The following PWWP3B variants were observed in gnomAD, a reference collection of about 807,000 sequenced individuals.
The protein encoded by PWWP3B is PWWP domain containing 3B.
PWWP3B carries 5 observed loss-of-function variants against 15.7 expected under a neutral mutation model. The ratio of observed to expected loss-of-function variants is 0.32; its 90% CI spans 0.17 to 0.67. PWWP3B has a LOEUF of 0.67. Among genes scored for constraint, PWWP3B ranks in the 30% least tolerant of loss-of-function variants. The pLI is 0.74. For synonymous variants in PWWP3B, 203 were observed against 179.8 expected (o/e 1.13, Z -1.03); for missense variants, 519 against 493.1 (o/e 1.05, Z -0.50).
At chrX:106,181,364 C>G (rs755765862) in intron 2 of PWWP3B, among the ~76,000 whole-genome samples, 27 of 111,490 alleles carry the variant, frequency 2.4e-4, no homozygotes, top group Non-Finnish European at 4.0e-4. Context: ...TTTTACACAG[C>G]GCTGATTGGT....
Position 106,207,590 on chromosome X carries a change from A to T in PWWP3B, c.*67A>T. 4.9e-6 allele frequency: 5 copies of T among 1,012,790 alleles called. No homozygotes were observed. Among genetic ancestry groups the T allele is most frequent in the Non-Finnish European group, 6.5e-6 (5 of 768,703 alleles). 83.5% of individuals were successfully genotyped at this position (1,012,790 alleles called of 1,213,427 possible). A position where few individuals can be genotyped will look rare whatever the true frequency, so the allele number is the denominator to read the frequency against. On this transcript the variant is annotated 3_prime_UTR_variant, in exon 4 of 4. Coordinates refer to ENST00000357175, the MANE Select transcript of PWWP3B (RefSeq NM_001171020.2). Reference sequence around the variant, plus strand: ...TACTAGTTGAAAAAAGTCTCTGAACAATTCTCTCTAATACATATTTTCTGC... The same window carrying T: ...TACTAGTTGAAAAAAGTCTCTGAACTATTCTCTCTAATACATATTTTCTGC...
intron 2 of PWWP3B, among the ~76,000 whole-genome samples, chrX:106,175,040 C>CA (rs61441273): frequency 0.077 from 3,328 of 43,380 alleles, 70 homozygotes; most frequent in East Asian, 0.095. Context: ...GACTCTGTCT[C>CA]AAAAAAAAAA....
chrX:106,173,415 A>G (rs1428341914), intron 2 of PWWP3B, among the ~76,000 whole-genome samples: 1 of 111,057 alleles, frequency 9.0e-6, no homozygotes, highest in Non-Finnish European at 1.9e-5. Flanking sequence ...TATTCCACAC[A>G]TCTAACCCCA....
At chrX:106,202,334 T>C (rs1923750927) in intron 2 of PWWP3B, among the ~76,000 whole-genome samples, 1 of 112,050 alleles carries the variant, frequency 8.9e-6, no homozygotes, top group Non-Finnish European at 1.9e-5. Flanking sequence ...CAGGTCACCA[T>C]TTTAATATTA....
intron 2 of PWWP3B, chrX:106,177,237 T>G (rs987879861): frequency 8.9e-6 from 1 of 112,732 alleles, no homozygotes; most frequent in Non-Finnish European, 1.9e-5. Context: ...AAGGTCCCCT[T>G]GCTATTCCCA....
In PWWP3B at chrX:106,207,400, T is replaced by C. The variant is rs1234323961; in HGVS notation, c.1968T>C (p.Asp656=). The change falls in exon 4 of 4, where the codon GAT becomes GAC. Residue 656 remains aspartate, a synonymous_variant. Transcript: ENST00000357175. Reference sequence around the variant, plus strand: ...CAATTTCTGCTGTTGATGGGTTAGATTACGAGGCAGCTGAAGCAAAGTATC... The same window carrying C: ...CAATTTCTGCTGTTGATGGGTTAGACTACGAGGCAGCTGAAGCAAAGTATC... The part of the protein sequence containing the change: ...ICSISAVDGL[D]YEAAEAKYLK... 4.3e-6 allele frequency: 5 copies of C among 1,171,168 alleles called. No individual in the cohort carries two copies. Among genetic ancestry groups the C allele is most frequent in the Non-Finnish European group, 5.7e-6 (5 of 874,831 alleles).
At chrX:106,194,435 C>T (rs1923233536) in intron 2 of PWWP3B, among the ~76,000 whole-genome samples, 1 of 111,557 alleles carries the variant, frequency 9.0e-6, no homozygotes, top group South Asian at 3.7e-4. Flanking sequence ...TCTAGTTATA[C>T]ATTCGTCTAA....
intron 2 of PWWP3B, among the ~76,000 whole-genome samples, chrX:106,196,807 T>C (rs1923402119): frequency 8.9e-6 from 1 of 112,411 alleles, no homozygotes; most frequent in Non-Finnish European, 1.9e-5. Flanking sequence ...TTATAAAATA[T>C]GTTGAAGAGT....
At chrX:106,179,757 A>G (rs779090928) in intron 2 of PWWP3B, among the ~76,000 whole-genome samples, 2 of 112,287 alleles carry the variant, frequency 1.8e-5, no homozygotes, top group Non-Finnish European at 3.8e-5. Flanking sequence ...AAAGCATTTC[A>G]TGGTAAAAAC....
chrX:106,187,073 A>C (rs1313530190), intron 2 of PWWP3B, among the ~76,000 whole-genome samples: 1 of 111,643 alleles, frequency 9.0e-6, no homozygotes, highest in Non-Finnish European at 1.9e-5. Flanking sequence ...GGCAGGAATA[A>C]TTTTTGTCCT....
intron 2 of PWWP3B, among the ~76,000 whole-genome samples, chrX:106,190,233 T>A (rs1205135516): frequency 8.9e-6 from 1 of 112,045 alleles, no homozygotes; most frequent in African/African-American, 3.2e-5. Context: ...AATGATTGCC[T>A]TTCTAACTGG....
rs1467092610 is a variant in PWWP3B, at chrX:106,208,025, C to CA, written c.*509dup. On this transcript the variant is annotated 3_prime_UTR_variant, in exon 4 of 4. Transcript: ENST00000357175. The stretch of plus-strand genomic sequence containing the variant: ...TTCTTGCCATGCCTATTTATTTTTG[C>CA]AAAAAAATTATCTGCTATATAGAAC... 1 of 123,327 alleles carries CA rather than the reference C, an allele frequency of 8.1e-6. No homozygotes were observed. Among genetic ancestry groups the CA allele is most frequent in the Admixed American group, 9.5e-5 (1 of 10,549 alleles). 10.2% of individuals were successfully genotyped at this position (123,327 alleles called of 1,213,427 possible).
intron 2 of PWWP3B, among the ~76,000 whole-genome samples, chrX:106,178,666 C>G (rs1188698983): frequency 9.0e-6 from 1 of 111,496 alleles, no homozygotes; most frequent in Admixed American, 9.5e-5. Context: ...ACTAAAAAAT[C>G]ACATTGAAAA....
At position 106,205,765 on chromosome X, in the gene PWWP3B, AGAG is replaced by A. The variant is rs1243017262; in HGVS notation, c.337_339del (p.Glu113del). 3.3e-6 allele frequency: 4 copies of A among 1,209,864 alleles called. No homozygotes were observed. The highest frequency in any genetic ancestry group is 1.7e-5 in the African/African-American group (1 of 57,164). ...TGAGTCAAGCAAGCACTTCAGATGA[AGAG>A]GAGATCACTATGCTGTCTCAAAATG... On this transcript the variant is annotated inframe_deletion, in exon 4 of 4. Coordinates refer to ENST00000357175, the MANE Select transcript of PWWP3B (RefSeq NM_001171020.2).
chrX:106,177,630 T>C (rs1921968955), intron 2 of PWWP3B, among the ~76,000 whole-genome samples: 1 of 112,606 alleles, frequency 8.9e-6, no homozygotes, highest in Admixed American at 9.4e-5. Flanking sequence ...TGTTAATTTT[T>C]TACGTGGCAC....
chrX:106,186,863 G>T (rs1922544124), intron 2 of PWWP3B, among the ~76,000 whole-genome samples: 1 of 111,760 alleles, frequency 8.9e-6, no homozygotes, highest in Non-Finnish European at 1.9e-5. Context: ...TTTACAGAGT[G>T]CCGATTGGTG....
chrX:106,196,129 G>T (rs1453133190), intron 2 of PWWP3B, among the ~76,000 whole-genome samples: 2 of 111,411 alleles, frequency 1.8e-5, no homozygotes, highest in Admixed American at 9.6e-5. Context: ...TATTGACTTT[G>T]TGTCTGGCAT....
chrX:106,204,921 GT>G (rs1271492093), intron 3 of PWWP3B, among the ~76,000 whole-genome samples: 1 of 111,269 alleles, frequency 9.0e-6, no homozygotes, highest in African/African-American at 3.3e-5. Flanking sequence ...ATTACATAGA[GT>G]TCCTGACATC....
At chrX:106,184,609 T>C (rs1423638419) in intron 2 of PWWP3B, among the ~76,000 whole-genome samples, 1 of 111,765 alleles carries the variant, frequency 8.9e-6, no homozygotes, top group African/African-American at 3.3e-5. Flanking sequence ...ATCTTCAAAC[T>C]CTTGGGCTGC....
Sources: allele counts gnomAD v4.1 joint callset (sites outside exome capture counted in the v4.1 genomes callset), GRCh38; gene constraint gnomAD v4.1.1; transcripts MANE v1.5; gene names NCBI Gene and HGNC (gene_info 2026-07-23, HGNC 2026-07-21).